Variants in ELP4 observed in about 807,000 individuals in gnomAD.
The protein encoded by ELP4 is elongator complex protein 4.
ELP4 carries 51 observed loss-of-function variants against 48.9 expected under a neutral mutation model. That is an observed-to-expected ratio of 1.04 (90% CI 0.83 to 1.32). The LOEUF is 1.32. ELP4 is among the 40% of genes most tolerant of loss of function. ELP4 has a pLI of 0.00. For missense variants in ELP4, 519 were observed against 514.6 expected (o/e 1.01, Z -0.08); for synonymous variants, 210 against 189.2 (o/e 1.11, Z -0.90).
At chr11:31,771,809 A>C (rs545627915) in intron 9 of ELP4, among the ~76,000 whole-genome samples, 63 of 152,250 alleles carry the variant, frequency 4.1e-4, no homozygotes, top group East Asian at 1.9e-3. Flanking sequence ...GAAACCCTGT[A>C]TCTACTAAAG....
intron 5 of ELP4, among the ~76,000 whole-genome samples, chr11:31,615,571 A>G (rs1489734602): frequency 3.3e-5 from 5 of 152,116 alleles, no homozygotes; most frequent in African/African-American, 7.2e-5. Flanking sequence ...TACTTGGGCA[A>G]ATATTTTTCA....
chr11:31,708,546 C>G (rs1282707047), intron 9 of ELP4, among the ~76,000 whole-genome samples: 1 of 151,884 alleles, frequency 6.6e-6, no homozygotes, highest in African/African-American at 2.4e-5. Context: ...CTGGCCAGAT[C>G]TGGAGATCAA....
chr11:31,682,769 T>G (rs748118775), intron 9 of ELP4, among the ~76,000 whole-genome samples: 2 of 152,056 alleles, frequency 1.3e-5, no homozygotes, highest in Non-Finnish European at 2.9e-5. Flanking sequence ...GGTATGAAAA[T>G]ACTGTACAAA....
intron 8 of ELP4, chr11:31,649,775 A>C: frequency 5.4e-6 from 1 of 183,886 alleles, no homozygotes; most frequent in Non-Finnish European, 1.1e-5. Context: ...CGTGGGCAGC[A>C]TGCAAGGTGA....
chr11:31,546,678 A>G (rs916528565), intron 3 of ELP4, among the ~76,000 whole-genome samples: 39 of 152,230 alleles, frequency 2.6e-4, no homozygotes, highest in Admixed American at 1.4e-3. Context: ...TCAACAGAAT[A>G]TACATTTTTT....
At chr11:31,609,902 C>A (rs548198354) in intron 5 of ELP4, among the ~76,000 whole-genome samples, 1 of 152,086 alleles carries the variant, frequency 6.6e-6, no homozygotes, top group African/African-American at 2.4e-5. Context: ...ATACTAATAG[C>A]CAGGTGTGGT....
chr11:31,561,711 A>G (rs964178106), intron 3 of ELP4, among the ~76,000 whole-genome samples: 4 of 152,074 alleles, frequency 2.6e-5, no homozygotes, highest in Non-Finnish European at 5.9e-5. Context: ...CCCAAATTGC[A>G]AGGATTGCTG....
intron 7 of ELP4, among the ~76,000 whole-genome samples, chr11:31,635,667 A>G (rs1297911031): frequency 1.3e-5 from 2 of 152,042 alleles, no homozygotes; most frequent in African/African-American, 4.8e-5. Flanking sequence ...AAAAGTATCC[A>G]GTGAAGAGGA....
At chr11:31,636,384 A>G (rs907156160) in intron 7 of ELP4, among the ~76,000 whole-genome samples, 3 of 148,450 alleles carry the variant, frequency 2.0e-5, no homozygotes, top group Non-Finnish European at 2.9e-5. Flanking sequence ...CATTATATAA[A>G]TTAATATTAA....
chr11:31,642,807 A>G (rs1250070499), intron 7 of ELP4, among the ~76,000 whole-genome samples: 1 of 151,876 alleles, frequency 6.6e-6, no homozygotes, highest in Non-Finnish European at 1.5e-5. Context: ...TCTAATCCAC[A>G]GAAGCAAGTG....
At chr11:31,631,808 A>G (rs1198547357) in intron 6 of ELP4, among the ~76,000 whole-genome samples, 1 of 152,164 alleles carries the variant, frequency 6.6e-6, no homozygotes, top group East Asian at 1.9e-4. Context: ...GATAAAATTA[A>G]ATGAGAAATA....
chr11:31,516,667 T>A (rs1418490943), intron 1 of ELP4, among the ~76,000 whole-genome samples: 1 of 152,200 alleles, frequency 6.6e-6, no homozygotes, highest in Non-Finnish European at 1.5e-5. Context: ...AATTTTTGTA[T>A]TTTTTGTAGA....
At chr11:31,772,032 C>T (rs1199631022) in intron 9 of ELP4, among the ~76,000 whole-genome samples, 2 of 151,902 alleles carry the variant, frequency 1.3e-5, no homozygotes, top group African/African-American at 2.4e-5. Context: ...GAAAGGCCTT[C>T]GCCTACTGAA....
At chr11:31,528,380 G>A (rs1956333358) in intron 2 of ELP4, among the ~76,000 whole-genome samples, 1 of 152,094 alleles carries the variant, frequency 6.6e-6, no homozygotes. Context: ...CAGAAATAAA[G>A]TAAAATTTGA....
intron 9 of ELP4, among the ~76,000 whole-genome samples, chr11:31,703,697 T>C (rs1227577170): frequency 2.6e-5 from 4 of 152,174 alleles, no homozygotes; most frequent in African/African-American, 7.2e-5. Flanking sequence ...GCCTGTGATT[T>C]CTCTATTGGT....
At chr11:31,693,950 T>TA (rs1946340188) in intron 9 of ELP4, among the ~76,000 whole-genome samples, 1 of 152,280 alleles carries the variant, frequency 6.6e-6, no homozygotes, top group African/African-American at 2.4e-5. Context: ...TTTGGCTGCA[T>TA]AAGTGTCTTC....
rs191911496 is a variant in ELP4 at position 31,651,948 on chromosome 11, G to A, written c.1143+1727G>A. ...AAATAAAGAACTTACGTGATGTCAA[G>A]CGGGACCTCTCCTCTGAATAACTTT... On this transcript the variant is annotated intron_variant, in intron 9 of 9. Transcript: ENST00000640961. 211 of 151,760 alleles carry A rather than the reference G, an allele frequency of 1.4e-3. 1 individual carries two copies. The highest frequency in any genetic ancestry group is 4.4e-3 in the African/African-American group (181 of 41,486). The allele number at this position is 151,760 out of a possible 1,614,324, so 9.4% of individuals were successfully genotyped here.
intron 3 of ELP4, among the ~76,000 whole-genome samples, chr11:31,566,521 A>T (rs950226440): frequency 6.6e-6 from 1 of 152,218 alleles, no homozygotes; most frequent in Non-Finnish European, 1.5e-5. Flanking sequence ...AATATTGAAG[A>T]GTTACCAGGT....
intron 9 of ELP4, 35 bp from the exon 10 acceptor site, chr11:31,783,358 T>G: frequency 6.3e-7 from 1 of 1,589,848 alleles, no homozygotes; most frequent in Non-Finnish European, 8.6e-7. Context: ...TTCTTCTTTC[T>G]TCTTTTTTTC....
Sources: gnomAD v4.1 joint callset for allele counts (sites outside exome capture counted in the v4.1 genomes callset) on GRCh38, gnomAD v4.1.1 for gene constraint, MANE v1.5 for transcripts, NCBI Gene and HGNC (gene_info 2026-07-23, HGNC 2026-07-21) for gene names.